PTPRG: variants seen among roughly 807,000 people sequenced by gnomAD.
The protein encoded by PTPRG is protein tyrosine phosphatase receptor type G, also known as receptor-type tyrosine-protein phosphatase gamma.
Under a neutral mutation model 165.3 loss-of-function variants are expected in PTPRG, and 102 were observed. That is an observed-to-expected ratio of 0.62 (90% confidence interval 0.53 to 0.73). The LOEUF (loss-of-function observed/expected upper bound fraction) is 0.73. Ranked by LOEUF, PTPRG falls within the 30% of genes least tolerant of loss-of-function variation. The pLI, the probability that PTPRG is intolerant of heterozygous loss-of-function variation, is 0.00. For synonymous variants in PTPRG, 675 were observed against 669.5 expected (o/e 1.01, Z -0.13); for missense variants, 1,866 against 1,861.4 (o/e 1.00, Z -0.05).
At chr3:61,828,684 C>T (rs1299787101) in intron 2 of PTPRG, among the ~76,000 whole-genome samples, 1 of 152,124 alleles carries the variant, frequency 6.6e-6, no homozygotes, top group Non-Finnish European at 1.5e-5. Flanking sequence ...GGAAAGGCTT[C>T]AGATAGGATA....
intron 3 of PTPRG, among the ~76,000 whole-genome samples, chr3:62,002,825 C>T (rs1292935605): frequency 1.3e-5 from 2 of 152,210 alleles, no homozygotes; most frequent in Admixed American, 6.5e-5. Flanking sequence ...TTCCCACTTA[C>T]TGTTGCCTTG....
chr3:61,932,878 G>T (rs1207128900), intron 2 of PTPRG, among the ~76,000 whole-genome samples: 1 of 152,198 alleles, frequency 6.6e-6, no homozygotes, highest in Non-Finnish European at 1.5e-5. Flanking sequence ...ATGGGAGGCA[G>T]GCAGTGCCGC....
In PTPRG at chr3:62,198,717, C is replaced by T. The variant is rs181913792; in HGVS notation, c.1328-2788C>T. Among the ~76,000 whole-genome samples, 4 of 152,322 alleles carry T rather than the reference C, an allele frequency of 2.6e-5. No individual in the cohort carries two copies. In the East Asian group the frequency reaches 7.7e-4, roughly 29 times the overall value. On this transcript the variant is annotated intron_variant, in intron 10 of 29. Transcript: ENST00000474889. The stretch of plus-strand genomic sequence containing the variant: ...AAATGACAAGTGGTTGGTCTGTTAG[C>T]TCCAGTGATTTTTGAATAGTGACGA...
intron 2 of PTPRG, among the ~76,000 whole-genome samples, chr3:61,754,538 G>T (rs1258091179): frequency 6.6e-6 from 1 of 152,198 alleles, no homozygotes; most frequent in East Asian, 1.9e-4. Context: ...CAGCGTGCCA[G>T]TGTGTCTTGT....
intron 1 of PTPRG, among the ~76,000 whole-genome samples, chr3:61,654,951 T>A (rs902728064): frequency 1.3e-5 from 2 of 151,440 alleles, no homozygotes; most frequent in Non-Finnish European, 2.9e-5. Flanking sequence ...CCAGCTACTT[T>A]TTGTATTTTT....
chr3:61,570,626 C>G (rs569505322), intron 1 of PTPRG, among the ~76,000 whole-genome samples: 2 of 152,138 alleles, frequency 1.3e-5, no homozygotes, highest in African/African-American at 2.4e-5. Flanking sequence ...CTGCAGTGCA[C>G]TTAAATCAGA....
intron 4 of PTPRG, among the ~76,000 whole-genome samples, chr3:62,047,462 A>T (rs547128965): frequency 6.6e-6 from 1 of 150,516 alleles, no homozygotes; most frequent in Non-Finnish European, 1.5e-5. Flanking sequence ...GGGTTTCGCC[A>T]TGTTGGCCAG....
chr3:61,653,740 A>G (rs368442415), intron 1 of PTPRG, among the ~76,000 whole-genome samples: 1 of 152,112 alleles, frequency 6.6e-6, no homozygotes, highest in Non-Finnish European at 1.5e-5. Context: ...CTCTTCCTGT[A>G]TAAGGGCCCA....
rs5849464 is a variant in PTPRG at position 62,160,864 on chromosome 3, A to ATTTTTTTTT, written c.840+3656_840+3664dup. ...TACTTTGTTTACCTTTAGATGTGTGATTTTTTTTTTTTTTTTTTTTTTTTC... is the reference window on the plus strand; with the variant it reads ...TACTTTGTTTACCTTTAGATGTGTGATTTTTTTTTTTTTTTTTTTTTTTTTTTTTTTTTC... On this transcript the variant is annotated intron_variant, in intron 7 of 29. Coordinates refer to ENST00000474889, the MANE Select transcript of PTPRG (RefSeq NM_002841.4). Among the ~76,000 whole-genome samples the ATTTTTTTTT allele has an allele frequency of 1.2e-3, 120 of 103,980 alleles. 3 individuals carry two copies. In the Middle Eastern group the frequency reaches 0.031, roughly 27 times the overall value. 68.2% of individuals were successfully genotyped at this position (103,980 alleles called of 152,430 possible). A position where few individuals can be genotyped will look rare whatever the true frequency, so the allele number is the denominator to read the frequency against.
intron 2 of PTPRG, among the ~76,000 whole-genome samples, chr3:61,826,492 A>ATTTC: frequency 6.6e-6 from 1 of 151,758 alleles, no homozygotes; most frequent in African/African-American, 2.4e-5. Context: ...GGAGTCACCC[A>ATTTC]GTCCTTTCTT....
intron 1 of PTPRG, among the ~76,000 whole-genome samples, chr3:61,635,273 T>A (rs1701877263): frequency 6.6e-6 from 1 of 151,472 alleles, no homozygotes; most frequent in Admixed American, 6.6e-5. Context: ...AATGAAATGC[T>A]ATGAGAAAGG....
intron 2 of PTPRG, among the ~76,000 whole-genome samples, chr3:61,752,341 CT>C (rs2033465452): frequency 1.3e-5 from 2 of 152,142 alleles, no homozygotes; most frequent in Non-Finnish European, 2.9e-5. Flanking sequence ...TGCATATTAT[CT>C]ATGGCTGCTT....
chr3:61,797,155 A>C (rs1313298699), intron 2 of PTPRG, among the ~76,000 whole-genome samples: 1 of 152,230 alleles, frequency 6.6e-6, no homozygotes, highest in Non-Finnish European at 1.5e-5. Flanking sequence ...GGTTTCCATC[A>C]TCTGTGAAAT....
At chr3:62,103,517 G>A (rs968344777) in intron 5 of PTPRG, among the ~76,000 whole-genome samples, 1 of 152,158 alleles carries the variant, frequency 6.6e-6, no homozygotes, top group African/African-American at 2.4e-5. Context: ...TGCCTAGAAA[G>A]GCCAGCCCTA....
chr3:61,817,193 T>A (rs1419229822), intron 2 of PTPRG, among the ~76,000 whole-genome samples: 16 of 78,948 alleles, frequency 2.0e-4, no homozygotes, highest in South Asian at 6.8e-4. Flanking sequence ...TATAAAATAA[T>A]ATATATAATA....
At chr3:61,835,914 C>G (rs1181756356) in intron 2 of PTPRG, among the ~76,000 whole-genome samples, 1 of 151,692 alleles carries the variant, frequency 6.6e-6, no homozygotes, top group East Asian at 2.0e-4. Flanking sequence ...GTGGCACATG[C>G]CTGTAATTCC....
intron 14 of PTPRG, among the ~76,000 whole-genome samples, chr3:62,235,038 A>C (rs983425450): frequency 1.3e-5 from 2 of 152,170 alleles, no homozygotes; most frequent in South Asian, 2.1e-4. Flanking sequence ...AATATCACTC[A>C]CAGCAAAATA....
intron 2 of PTPRG, among the ~76,000 whole-genome samples, chr3:61,850,938 G>A (rs745658833): frequency 2.4e-4 from 37 of 152,168 alleles, no homozygotes; most frequent in Admixed American, 2.0e-3. Flanking sequence ...TGAAGCTTGC[G>A]TGGGCACCTG....
chr3:61,639,318 G>A (rs972010944), intron 1 of PTPRG, among the ~76,000 whole-genome samples: 2 of 152,148 alleles, frequency 1.3e-5, no homozygotes, highest in South Asian at 2.1e-4. Flanking sequence ...TAGCCTTATA[G>A]CATAGTTTAA....
Sources: allele counts gnomAD v4.1 joint callset (sites outside exome capture counted in the v4.1 genomes callset), GRCh38; gene constraint gnomAD v4.1.1; transcripts MANE v1.5; gene names NCBI Gene and HGNC (gene_info 2026-07-23, HGNC 2026-07-21).